SEC14L4: variants seen among roughly 807,000 people sequenced by gnomAD.
SEC14L4 encodes SEC14 like lipid binding 4.
In SEC14L4, 42 loss-of-function variants were observed where a neutral mutation model predicts 55.1. The observed-to-expected ratio is 0.76, with a 90% CI of 0.60 to 0.99. The LOEUF is 0.99. SEC14L4 is among the 50% of genes least tolerant of loss of function. The pLI is 0.00. For missense variants in SEC14L4, 445 were observed against 512.1 expected, an observed-to-expected ratio of 0.87 and a Z score of 1.27; for synonymous variants, 206 against 206.8, an observed-to-expected ratio of 1.00 and a Z score of 0.03.
chr22:30,494,944 C>G lies in SEC14L4; in HGVS notation c.441G>C (p.Glu147Asp), dbSNP rs1385579258. 3 of 1,613,392 alleles carry G rather than the reference C, an allele frequency of 1.9e-6. No homozygotes were observed. Among genetic ancestry groups the G allele is most frequent in the Non-Finnish European group, 2.5e-6 (3 of 1,179,930 alleles). Residue 147 changes from glutamate (E) to aspartate (D), a missense_variant, in exon 6 of 12, where the codon GAG (glutamate) becomes GAC (aspartate). Physicochemically the swap from Glu to Asp is conservative, Grantham distance 45. Transcript: ENST00000255858. ...LQTQKLGRKI[E>D]MALMVFDMEG... ...CCATGTCAAACACCATCAGCGCCAT[C>G]TCGATCTTCCTGCCCAGCTGCTTGG...
chr22:30,504,118 C>T (rs1048808090), intron 1 of SEC14L4, among the ~76,000 whole-genome samples: 2 of 151,512 alleles, frequency 1.3e-5, no homozygotes, highest in South Asian at 2.1e-4. Context: ...AGCGTAGTTG[C>T]GTGATCTTGG....
intron 7 of SEC14L4, among the ~76,000 whole-genome samples, chr22:30,493,052 C>T (rs919511263): frequency 1.3e-5 from 2 of 149,042 alleles, no homozygotes; most frequent in Non-Finnish European, 3.0e-5. Flanking sequence ...CCACTGCACT[C>T]CAGCCTGGGT....
chr22:30,503,612 C>CT (rs1476153672), intron 2 of SEC14L4, 65 bp downstream of exon 2: 14 of 1,217,420 alleles, frequency 1.1e-5, no homozygotes, highest in Non-Finnish European at 1.7e-5. Context: ...AAGTCTCCCA[C>CT]TCCTCTCCTG....
rs1413112889 is a variant in SEC14L4 at position 30,489,026 on chromosome 22, G to A, written c.*1081C>T. On this transcript the variant is annotated 3_prime_UTR_variant, in exon 12 of 12. Transcript: ENST00000255858. ...AGCAGAGCACCTGTTCAGACTCTAC[G>A]TATATGCACCCATGAATGGTGCAGC... 6.6e-6 allele frequency: 1 copy of A among 151,722 alleles called. No homozygotes were observed. The highest frequency in any genetic ancestry group is 2.4e-5 in the African/African-American group (1 of 41,234). The allele number at this position is 151,722 out of a possible 1,614,324, so 9.4% of individuals were successfully genotyped here. A position where few individuals can be genotyped will look rare whatever the true frequency, so the allele number is the denominator to read the frequency against.
At chr22:30,503,885 A>G in intron 1 of SEC14L4, 133 bp from the exon 2 acceptor site, 3 of 599,642 alleles carry the variant, frequency 5.0e-6, no homozygotes, top group Non-Finnish European at 8.5e-6. Flanking sequence ...GCCCTGAACG[A>G]CTTTGCCATC....
At position 30,489,656 on chromosome 22, in the gene SEC14L4, C is replaced by A; in HGVS notation, c.*451G>T. ...GCTGGGCCTGCCCACCCCTGCTGAC[C>A]TCCTACATGCAGAGAACAGGGCTTC... On this transcript the variant is annotated 3_prime_UTR_variant, in exon 12 of 12. Coordinates refer to ENST00000255858, the MANE Select transcript of SEC14L4 (RefSeq NM_174977.4). The A allele has an allele frequency of 1.6e-6, 1 of 606,128 alleles. No homozygotes were observed. The highest frequency in any genetic ancestry group is 2.9e-6 in the Non-Finnish European group (1 of 340,398). 37.5% of individuals were successfully genotyped at this position (606,128 alleles called of 1,614,324 possible). A position where few individuals can be genotyped will look rare whatever the true frequency, so the allele number is the denominator to read the frequency against.
At chr22:30,492,977 G>A (rs1177020733) in intron 7 of SEC14L4, among the ~76,000 whole-genome samples, 6 of 151,732 alleles carry the variant, frequency 4.0e-5, no homozygotes, top group East Asian at 1.9e-4. Flanking sequence ...CCGGCTACTC[G>A]GGTGGCAGCG....
At chr22:30,490,381 T>C in intron 11 of SEC14L4, 135 bp from the exon 12 acceptor site, 1 of 1,439,060 alleles carries the variant, frequency 6.9e-7, no homozygotes, top group Non-Finnish European at 9.4e-7. Context: ...CTGGAACCCT[T>C]GGAAATGAGC....
chr22:30,501,199 G>A (rs1568948645), intron 2 of SEC14L4, among the ~76,000 whole-genome samples: 3 of 152,126 alleles, frequency 2.0e-5, no homozygotes, highest in East Asian at 1.9e-4. Context: ...TAGTGAGGCC[G>A]GGACTAGCGG....
At chr22:30,505,473 G>C (rs1936459287) in intron 1 of SEC14L4, 85 bp downstream of exon 1, 1 of 1,364,062 alleles carries the variant, frequency 7.3e-7, no homozygotes, top group South Asian at 1.2e-5. Context: ...GTTCCAGTCT[G>C]TACCATGGGG....
rs779847306 is a variant in SEC14L4 at position 30,492,053 on chromosome 22, G to T, written c.767C>A (p.Thr256Asn). ...TDPDGNPKCL[T>N]KINYGGEVPK... is the part of the protein sequence containing the mutation. ...CATCCTCTGGGCACCCTGTACCTTGGTCAGGCACTTGGGGTTGCCATCGGG... is the reference window on the plus strand; with the variant it reads ...CATCCTCTGGGCACCCTGTACCTTGTTCAGGCACTTGGGGTTGCCATCGGG... The change falls in exon 9 of 12, where the codon ACC becomes AAC. Residue 256 changes from threonine to asparagine, a missense_variant. By Grantham distance (65) the Thr-to-Asn change is moderately conservative. Transcript: ENST00000255858. The T allele has an allele frequency of 1.2e-6, 2 of 1,613,798 alleles. No individual in the cohort carries two copies. Among genetic ancestry groups the T allele is most frequent in the Non-Finnish European group, 1.7e-6 (2 of 1,179,806 alleles).
rs1158850783 is a variant in SEC14L4 at position 30,489,028 on chromosome 22, A to C, written c.*1079T>G. The C allele has an allele frequency of 3.3e-5, 5 of 151,608 alleles. No individual in the cohort carries two copies. The highest frequency in any genetic ancestry group is 2.0e-4 in the Admixed American group (3 of 15,152). 9.4% of individuals were successfully genotyped at this position (151,608 alleles called of 1,614,324 possible). A position where few individuals can be genotyped will look rare whatever the true frequency, so the allele number is the denominator to read the frequency against. On this transcript the variant is annotated 3_prime_UTR_variant, in exon 12 of 12. Coordinates refer to ENST00000255858, the MANE Select transcript of SEC14L4 (RefSeq NM_174977.4). ...CAGAGCACCTGTTCAGACTCTACGT[A>C]TATGCACCCATGAATGGTGCAGCTG...
rs750328358 is a variant in SEC14L4 at position 30,490,182 on chromosome 22, C to T, written c.1146G>A (p.Glu382=). 33 of 1,614,178 alleles carry T rather than the reference C, an allele frequency of 2.0e-5. No homozygotes were observed. The South Asian group carries it at 3.2e-4, about 16-fold the overall frequency. Residue 382 remains glutamate, a synonymous_variant, in exon 12 of 12, where the codon GAG becomes GAA. Transcript: ENST00000255858. ...CAGAGGCCTTGTCGGGAAGCAGCAC[C>T]TCCACAGTGTAGCTGAGCTTCTTGG... ...MHAKKLSYTV[E]VLLPDKASEE...
intron 6 of SEC14L4, among the ~76,000 whole-genome samples, chr22:30,494,413 G>A (rs1056276443): frequency 1.3e-5 from 2 of 152,146 alleles, no homozygotes; most frequent in Non-Finnish European, 2.9e-5. Context: ...TGTCTCCCAA[G>A]GTGGAGTATA....
chr22:30,503,287 G>A (rs1397219199), intron 2 of SEC14L4, among the ~76,000 whole-genome samples: 7 of 150,072 alleles, frequency 4.7e-5, no homozygotes, highest in Non-Finnish European at 7.4e-5. Context: ...TTTTTGAGAC[G>A]GAGCTTCACT....
intron 8 of SEC14L4, 82 bp from the exon 9 acceptor site, chr22:30,492,237 C>A (rs1447488131): frequency 4.0e-6 from 6 of 1,505,284 alleles, no homozygotes; most frequent in Admixed American, 3.9e-5. Flanking sequence ...GGTGAGGGAA[C>A]CTGATATGTC....
At position 30,494,140 on chromosome 22, in the gene SEC14L4, ATGGGCT is replaced by A; in HGVS notation, c.580+4_580+9del. On this transcript the variant is annotated splice_donor_5th_base_variant and intron_variant, in intron 7 of 11. Transcript: ENST00000255858. The stretch of plus-strand genomic sequence containing the variant: ...CCCTCCCCAGGAGGTCATCCCGGTC[ATGGGCT>A]TACCTCGAATAACAATTAAATTCTT... 1 of 1,607,768 alleles carries A rather than the reference ATGGGCT, an allele frequency of 6.2e-7. No individual in the cohort carries two copies. The highest frequency in any genetic ancestry group is 8.5e-7 in the Non-Finnish European group (1 of 1,174,196).
rs1376919001 is a variant in SEC14L4, at chr22:30,492,523, G to A, written c.615C>T (p.Val205=). Reference sequence around the variant, plus strand: ...GTGTCTCCTCACTCATGAACGACTTGACCAAGTTGAAGGCCACGGGGAACA... The same window carrying A: ...GTGTCTCCTCACTCATGAACGACTTAACCAAGTTGAAGGCCACGGGGAACA... ...PKLFPVAFNL[V]KSFMSEETRR... Residue 205 remains valine, a synonymous_variant, in exon 8 of 12, where the codon GTC becomes GTT. Coordinates refer to ENST00000255858, the MANE Select transcript of SEC14L4 (RefSeq NM_174977.4). 1.2e-6 allele frequency: 2 copies of A among 1,613,978 alleles called. No homozygotes were observed. The highest frequency in any genetic ancestry group is 1.7e-6 in the Non-Finnish European group (2 of 1,179,900).
intron 2 of SEC14L4, among the ~76,000 whole-genome samples, chr22:30,501,496 C>A (rs1936319112): frequency 6.6e-6 from 1 of 152,118 alleles, no homozygotes; most frequent in South Asian, 2.1e-4. Context: ...TTGGTCCAGG[C>A]TGGGGGCAAT....
Sources: gnomAD v4.1 joint callset for allele counts (sites outside exome capture counted in the v4.1 genomes callset) on GRCh38, gnomAD v4.1.1 for gene constraint, MANE v1.5 for transcripts, NCBI Gene and HGNC (gene_info 2026-07-23, HGNC 2026-07-21) for gene names.